Variants in CNBD1 observed in about 807,000 individuals in gnomAD.
The protein encoded by CNBD1 is cyclic nucleotide binding domain containing 1.
Under a neutral mutation model 54.4 loss-of-function variants are expected in CNBD1, and 71 were observed. The ratio of observed to expected loss-of-function variants is 1.30; its 90% CI spans 1.08 to 1.59. The LOEUF (loss-of-function observed/expected upper bound fraction) is 1.59. Among genes scored for constraint, CNBD1 ranks in the 40% most tolerant of loss-of-function variants. CNBD1 has a pLI of 0.00. For missense variants in CNBD1, 659 were observed against 518.0 expected, an observed-to-expected ratio of 1.27 and a Z score of -2.64; for synonymous variants, 182 against 170.7, an observed-to-expected ratio of 1.07 and a Z score of -0.51.
At chr8:87,014,195 T>G (rs1328544807) in intron 4 of CNBD1, among the ~76,000 whole-genome samples, 2 of 151,062 alleles carry the variant, frequency 1.3e-5, no homozygotes, top group Non-Finnish European at 3.0e-5. Flanking sequence ...TTCATGTGAC[T>G]TAAGTAAAAT....
chr8:86,928,862 A>G (rs1041732274), intron 3 of CNBD1, among the ~76,000 whole-genome samples: 3 of 152,308 alleles, frequency 2.0e-5, no homozygotes, highest in Admixed American at 2.0e-4. Context: ...CAATACCCAT[A>G]TGAAAAGTTT....
At chr8:87,295,651 A>G (rs1459154835) in intron 8 of CNBD1, among the ~76,000 whole-genome samples, 4 of 152,018 alleles carry the variant, frequency 2.6e-5, no homozygotes, top group Non-Finnish European at 5.9e-5. Flanking sequence ...CTTCTCACAA[A>G]TGACCATTGC....
chr8:87,247,268 T>A (rs1006873232), intron 6 of CNBD1, among the ~76,000 whole-genome samples: 2 of 152,192 alleles, frequency 1.3e-5, no homozygotes, highest in Non-Finnish European at 2.9e-5. Context: ...TCAAATGAGT[T>A]GCAGATCCAT....
intron 6 of CNBD1, among the ~76,000 whole-genome samples, chr8:87,256,009 ATATATATTTTTTT>A (rs1244400568): frequency 5.1e-5 from 1 of 19,660 alleles, no homozygotes; most frequent in African/African-American, 2.8e-4. Flanking sequence ...ATATATATAT[ATATATATTTTTTT>A]TTTTTTTTTT....
chr8:87,263,429 G>A (rs894607689), intron 6 of CNBD1, among the ~76,000 whole-genome samples: 1 of 152,052 alleles, frequency 6.6e-6, no homozygotes, highest in African/African-American at 2.4e-5. Flanking sequence ...TTCAAAATCA[G>A]GACATGCTGG....
At chr8:86,911,692 A>C (rs972210554) in intron 3 of CNBD1, among the ~76,000 whole-genome samples, 1 of 152,168 alleles carries the variant, frequency 6.6e-6, no homozygotes, top group East Asian at 1.9e-4. Flanking sequence ...TTCATAAATG[A>C]CATGAGCTTA....
At chr8:87,388,863 C>T (rs770167345) in intron 2 of CNBD1, among the ~76,000 whole-genome samples, 1 of 152,150 alleles carries the variant, frequency 6.6e-6, no homozygotes, top group African/African-American at 2.4e-5. Context: ...AAAATACTGG[C>T]AAACTGAATC....
At chr8:87,200,585 T>A (rs952958291) in intron 4 of CNBD1, among the ~76,000 whole-genome samples, 8 of 152,104 alleles carry the variant, frequency 5.3e-5, no homozygotes, top group African/African-American at 1.7e-4. Context: ...AGGACATCTC[T>A]AATTATCCTG....
intron 3 of CNBD1, among the ~76,000 whole-genome samples, chr8:86,908,522 T>A (rs1384103714): frequency 6.6e-6 from 1 of 152,154 alleles, no homozygotes. Context: ...TACTTCAGAG[T>A]TATGCATTGA....
In CNBD1 at chr8:87,137,477, C is replaced by T. The variant is rs185175490; in HGVS notation, c.432-68516C>T. 2.8e-3 allele frequency among the ~76,000 whole-genome samples: 425 copies of T among 152,002 alleles called. 3 individuals carry two copies. The highest frequency in any genetic ancestry group is 9.8e-3 in the African/African-American group (405 of 41,480). ...TCAGCCTCCCAAAGTGCTGGGATTA[C>T]AGGCGTGAGCCACCGCGGCCGGCCA... On this transcript the variant is annotated intron_variant, in intron 4 of 10. Transcript: ENST00000518476.
intron 3 of CNBD1, among the ~76,000 whole-genome samples, chr8:86,907,650 G>A (rs1326868842): frequency 6.6e-6 from 1 of 151,006 alleles, no homozygotes; most frequent in African/African-American, 2.4e-5. Flanking sequence ...CCTGGAGACA[G>A]AGCATGACTC....
At chr8:87,053,881 G>T (rs1655295310) in intron 4 of CNBD1, among the ~76,000 whole-genome samples, 1 of 152,220 alleles carries the variant, frequency 6.6e-6, no homozygotes. Context: ...TAAACAATGG[G>T]TCCGATTGGC....
At chr8:87,091,838 A>G (rs1304737849) in intron 4 of CNBD1, among the ~76,000 whole-genome samples, 1 of 152,136 alleles carries the variant, frequency 6.6e-6, no homozygotes, top group Non-Finnish European at 1.5e-5. Flanking sequence ...GTAAAAGCAC[A>G]CACACACACG....
At chr8:87,167,301 TTG>T (rs1197507016) in intron 4 of CNBD1, among the ~76,000 whole-genome samples, 52 of 152,072 alleles carry the variant, frequency 3.4e-4, no homozygotes, top group African/African-American at 1.2e-3. Context: ...ACCTCAAACA[TTG>T]ATCATTTTTT....
At position 86,940,136 on chromosome 8, in the gene CNBD1, T is replaced by TTTTTCTTTC. The variant is rs1345440634; in HGVS notation, c.431+386_431+387insCTTTCTTTT. Among the ~76,000 whole-genome samples, 28 of 13,660 alleles carry TTTTTCTTTC rather than the reference T, an allele frequency of 2.0e-3. 1 individual carries two copies. The African/African-American group carries it at 0.029, about 14-fold the overall frequency. 9.0% of individuals were successfully genotyped at this position (13,660 alleles called of 152,430 possible). A position where few individuals can be genotyped will look rare whatever the true frequency, so the allele number is the denominator to read the frequency against. Reference sequence around the variant, plus strand: ...AAATAAACTTACCACATGTTACTTTTTTTTTTTTTTTTTTTGAGACTGTTG... The same window carrying TTTTTCTTTC: ...AAATAAACTTACCACATGTTACTTTTTTTTCTTTCTTTTTTTTTTTTTTTGAGACTGTTG... On this transcript the variant is annotated intron_variant, in intron 4 of 10. Coordinates refer to ENST00000518476, the MANE Select transcript of CNBD1 (RefSeq NM_173538.3).
chr8:87,136,409 T>C (rs934767723), intron 4 of CNBD1, among the ~76,000 whole-genome samples: 5 of 149,084 alleles, frequency 3.4e-5, no homozygotes, highest in Admixed American at 2.8e-4. Context: ...TAGATTTTTA[T>C]GGGAAATTTA....
chr8:86,889,649 T>C (rs920459677), intron 2 of CNBD1, among the ~76,000 whole-genome samples: 4 of 152,092 alleles, frequency 2.6e-5, no homozygotes, highest in African/African-American at 9.6e-5. Context: ...TTATTGAAGA[T>C]AAAATAAAAA....
chr8:87,349,053 T>G (rs912070811), intron 8 of CNBD1, among the ~76,000 whole-genome samples: 1 of 152,170 alleles, frequency 6.6e-6, no homozygotes, highest in Non-Finnish European at 1.5e-5. Context: ...TCCACTACAT[T>G]TTGTAAACAT....
chr8:87,347,620 G>A (rs1406407141), intron 8 of CNBD1, among the ~76,000 whole-genome samples: 1 of 152,176 alleles, frequency 6.6e-6, no homozygotes, highest in Non-Finnish European at 1.5e-5. Context: ...ATCTCATTGA[G>A]AATGTGAGAT....
Sources: allele counts gnomAD v4.1 joint callset (sites outside exome capture counted in the v4.1 genomes callset), GRCh38; gene constraint gnomAD v4.1.1; transcripts MANE v1.5; gene names NCBI Gene and HGNC (gene_info 2026-07-23, HGNC 2026-07-21).